GABRA4: variants seen among roughly 807,000 people sequenced by gnomAD.
GABRA4 encodes gamma-aminobutyric acid type A receptor subunit alpha4, also known as gamma-aminobutyric acid receptor subunit alpha-4.
In GABRA4, 12 loss-of-function variants were observed where a neutral mutation model predicts 49.7. The observed-to-expected ratio is 0.24, with a 90% confidence interval of 0.15 to 0.39. The LOEUF is 0.39. Ranked by LOEUF, GABRA4 falls within the 10% of genes least tolerant of loss-of-function variation. The pLI is 1.00. For missense variants in GABRA4, 506 were observed against 686.0 expected, an observed-to-expected ratio of 0.74 and a Z score of 2.93; for synonymous variants, 288 against 240.2, an observed-to-expected ratio of 1.20 and a Z score of -1.84.
intron 8 of GABRA4, among the ~76,000 whole-genome samples, chr4:46,940,889 AG>A (rs1721765604): frequency 6.6e-6 from 1 of 152,166 alleles, no homozygotes; most frequent in Non-Finnish European, 1.5e-5. Flanking sequence ...AAGCTGAAAC[AG>A]CTGTTCATCC....
intron 5 of GABRA4, among the ~76,000 whole-genome samples, chr4:46,975,039 T>G (rs2109390551): frequency 6.6e-6 from 1 of 152,016 alleles, no homozygotes; most frequent in Non-Finnish European, 1.5e-5. Flanking sequence ...CTTCAACAAA[T>G]CTCTCCCGGT....
chr4:46,948,336 G>C (rs1722052790), intron 8 of GABRA4, among the ~76,000 whole-genome samples: 1 of 152,028 alleles, frequency 6.6e-6, no homozygotes, highest in Non-Finnish European at 1.5e-5. Context: ...TCCTCTGCCA[G>C]AAAAGAGGAT....
At chr4:46,948,500 C>G (rs976346389) in intron 8 of GABRA4, among the ~76,000 whole-genome samples, 8 of 152,094 alleles carry the variant, frequency 5.3e-5, no homozygotes, top group African/African-American at 1.9e-4. Flanking sequence ...GCTCACTCTA[C>G]TGTGCTGCCA....
At position 46,993,366 on chromosome 4, in the gene GABRA4, A is replaced by T; in HGVS notation, c.59T>A (p.Leu20His). 6.2e-7 allele frequency: 1 copy of T among 1,614,184 alleles called. No homozygotes were observed. Among genetic ancestry groups the T allele is most frequent in the Non-Finnish European group, 8.5e-7 (1 of 1,180,024 alleles). The change falls in exon 1 of 9, where the codon CTC (leucine) becomes CAC (histidine). Residue 20 changes from leucine to histidine, a missense_variant. By Grantham distance (99) the Leu-to-His change is moderately conservative (BLOSUM62 -3). Coordinates refer to ENST00000264318, the MANE Select transcript of GABRA4 (RefSeq NM_000809.4). ...IALSAGVSFA[L>H]LRFLCLAVCL... ...AACCGCCAGGCACAGGAAGCGCAGG[A>T]GGGCGAAACTGACCCCGGCGGACAG...
chr4:46,971,587 T>C (rs1722948602), intron 6 of GABRA4, among the ~76,000 whole-genome samples: 1 of 151,560 alleles, frequency 6.6e-6, no homozygotes, highest in East Asian at 1.9e-4. Context: ...ACCTATCTTC[T>C]ATGAAAAACC....
chr4:46,989,279 C>T (rs1481630470), intron 2 of GABRA4, among the ~76,000 whole-genome samples: 1 of 152,124 alleles, frequency 6.6e-6, no homozygotes, highest in Non-Finnish European at 1.5e-5. Context: ...AATTATGTAA[C>T]AGTGTTACAG....
At chr4:46,972,668 A>G (rs1722991361) in intron 6 of GABRA4, among the ~76,000 whole-genome samples, 1 of 151,598 alleles carries the variant, frequency 6.6e-6, no homozygotes, top group African/African-American at 2.4e-5. Context: ...ACTGTTCACT[A>G]TATGCACTCT....
chr4:46,964,101 C>A (rs2109374082), intron 8 of GABRA4, among the ~76,000 whole-genome samples: 1 of 151,994 alleles, frequency 6.6e-6, no homozygotes, highest in African/African-American at 2.4e-5. Flanking sequence ...GAGATCCAGT[C>A]ATTTGCTACA....
At position 46,982,915 on chromosome 4, in the gene GABRA4, A is replaced by G. The variant is rs186809808; in HGVS notation, c.206-3817T>C. The stretch of plus-strand genomic sequence containing the variant: ...AGACTGGACAGATTGAGGGGCTGGT[A>G]TGCTCACAGGGTGTCGGTATTTTCC... On this transcript the variant is annotated intron_variant, in intron 2 of 8. Transcript: ENST00000264318. 3.1e-3 allele frequency among the ~76,000 whole-genome samples: 475 copies of G among 152,140 alleles called. 1 individual carries two copies. Among genetic ancestry groups the G allele is most frequent in the Non-Finnish European group, 5.1e-3 (344 of 67,976 alleles).
chr4:46,948,746 A>G (rs1004087186), intron 8 of GABRA4, among the ~76,000 whole-genome samples: 39 of 152,198 alleles, frequency 2.6e-4, no homozygotes, highest in African/African-American at 8.4e-4. Flanking sequence ...ATATGATGAA[A>G]CGTTAAGGTA....
chr4:46,963,212 G>T (rs969684440), intron 8 of GABRA4, among the ~76,000 whole-genome samples: 3 of 151,736 alleles, frequency 2.0e-5, no homozygotes, highest in Non-Finnish European at 2.9e-5. Flanking sequence ...AAAGGATTAA[G>T]AATCAGAATA....
In GABRA4 at chr4:46,926,931, C is replaced by T. The variant is rs1286832606; in HGVS notation, c.*1294G>A. ...AAAATATTCCCCTTAGTTATTAAACCTTAAAAAAACTCCCAAAAAAACCAA... is the reference window on the plus strand; with the variant it reads ...AAAATATTCCCCTTAGTTATTAAACTTTAAAAAAACTCCCAAAAAAACCAA... On this transcript the variant is annotated 3_prime_UTR_variant, in exon 9 of 9. Transcript: ENST00000264318. 6.6e-6 allele frequency: 1 copy of T among 151,720 alleles called. No individual in the cohort carries two copies. The highest frequency in any genetic ancestry group is 6.6e-5 in the Admixed American group (1 of 15,166). 9.4% of individuals were successfully genotyped at this position (151,720 alleles called of 1,614,324 possible). A position where few individuals can be genotyped will look rare whatever the true frequency, so the allele number is the denominator to read the frequency against.
intron 8 of GABRA4, among the ~76,000 whole-genome samples, chr4:46,935,581 T>A (rs1721577777): frequency 6.6e-6 from 1 of 151,174 alleles, no homozygotes; most frequent in South Asian, 2.1e-4. Context: ...AAATGATCAC[T>A]GAAGGAAAGA....
intron 2 of GABRA4, among the ~76,000 whole-genome samples, chr4:46,982,826 C>T (rs751490318): frequency 3.3e-5 from 5 of 151,964 alleles, no homozygotes; most frequent in Non-Finnish European, 5.9e-5. Context: ...TAAGAGACTG[C>T]CATGTTGTTC....
intron 7 of GABRA4, among the ~76,000 whole-genome samples, chr4:46,968,080 C>T (rs1016697954): frequency 2.6e-5 from 4 of 151,298 alleles, no homozygotes; most frequent in Non-Finnish European, 5.9e-5. Flanking sequence ...GTCTCTGACC[C>T]AACAAATTAT....
chr4:46,954,717 T>A (rs2109361983), intron 8 of GABRA4, among the ~76,000 whole-genome samples: 1 of 152,228 alleles, frequency 6.6e-6, no homozygotes, highest in South Asian at 2.1e-4. Flanking sequence ...AAGTATTAGG[T>A]TGTGTGATTA....
In GABRA4 at chr4:46,977,391, A is replaced by T. The variant is rs531214474; in HGVS notation, c.494+19T>A. 3 of 1,314,260 alleles carry T rather than the reference A, an allele frequency of 2.3e-6. No homozygotes were observed. The Admixed American group carries it at 6.1e-5, about 27-fold the overall frequency. The allele number at this position is 1,314,260 out of a possible 1,614,324, so 81.4% of individuals were successfully genotyped here. A position where few individuals can be genotyped will look rare whatever the true frequency, so the allele number is the denominator to read the frequency against. On this transcript the variant is annotated intron_variant, in intron 4 of 8. Coordinates refer to ENST00000264318, the MANE Select transcript of GABRA4 (RefSeq NM_000809.4). ...GAAAAGAATAAAAAAGGAAGGGAAG[A>T]AGTAAAAAAAAATATTACCTCATTG... is the stretch of plus-strand genomic sequence containing the variant.
At position 46,977,089 on chromosome 4, in the gene GABRA4, A is replaced by G. The variant is rs375664696; in HGVS notation, c.549T>C (p.Gly183=). ...PMRLVDFPMD[G]HACPLKFGSY... ...TCCCGAATTTCAAAGGGCATGCATG[A>G]CCATCCATGGGAAAATCCACCAATC... The change falls in exon 5 of 9, where the codon GGT becomes GGC. Residue 183 remains glycine (G), a synonymous_variant. Transcript: ENST00000264318. The G allele has an allele frequency of 6.2e-7, 1 of 1,609,518 alleles. No homozygotes were observed. The highest frequency in any genetic ancestry group is 8.5e-7 in the Non-Finnish European group (1 of 1,177,164).
intron 4 of GABRA4, 80 bp downstream of exon 4, chr4:46,977,330 A>AAGGGAGGGAGGAAGAGAGGG: frequency 1.9e-6 from 1 of 540,470 alleles, no homozygotes; most frequent in Admixed American, 3.9e-5. Context: ...GGGAGGGAGG[A>AAGGGAGGGAGGAAGAGAGGG]AGGAAGGAAG....
Sources: allele counts gnomAD v4.1 joint callset (sites outside exome capture counted in the v4.1 genomes callset), GRCh38; gene constraint gnomAD v4.1.1; transcripts MANE v1.5; gene names NCBI Gene and HGNC (gene_info 2026-07-23, HGNC 2026-07-21).